Variants in GBP7 observed in about 807,000 individuals in gnomAD.
GBP7 encodes guanylate binding protein 7, also known as guanylate-binding protein 7.
In GBP7, 43 loss-of-function variants were observed where a neutral mutation model predicts 61.3. The observed-to-expected ratio is 0.70, with a 90% CI of 0.55 to 0.91. The LOEUF (loss-of-function observed/expected upper bound fraction) is 0.91, where lower values mean the gene tolerates loss of function less well. Ranked by LOEUF, GBP7 falls within the 40% of genes least tolerant of loss-of-function variation. The pLI is 0.00. For synonymous variants in GBP7, 267 were observed against 271.0 expected (o/e 0.99, Z 0.14); for missense variants, 717 against 740.5 (o/e 0.97, Z 0.37).
chr1:89,160,369 T>G (rs1261590521), intron 3 of GBP7, among the ~76,000 whole-genome samples: 1 of 152,006 alleles, frequency 6.6e-6, no homozygotes, highest in Admixed American at 6.6e-5. Flanking sequence ...ATAAAAAAAA[T>G]GTACCTTAAC....
At chr1:89,170,919 C>G (rs970900207) in intron 2 of GBP7, among the ~76,000 whole-genome samples, 3 of 152,210 alleles carry the variant, frequency 2.0e-5, no homozygotes, top group Non-Finnish European at 4.4e-5. Flanking sequence ...CTCTCTCAAG[C>G]AACAGCTAAT....
intron 9 of GBP7, among the ~76,000 whole-genome samples, chr1:89,141,094 A>G (rs1457982652): frequency 6.6e-6 from 1 of 152,154 alleles, no homozygotes; most frequent in Non-Finnish European, 1.5e-5. Context: ...CCTATTGGGT[A>G]CTATGCTCAT....
intron 8 of GBP7, among the ~76,000 whole-genome samples, chr1:89,144,102 C>T (rs1216004030): frequency 6.6e-6 from 1 of 152,158 alleles, no homozygotes; most frequent in Admixed American, 6.5e-5. Context: ...TTGTTTAGCT[C>T]CCACTTACAA....
chr1:89,137,982 G>A (rs2100636931), intron 9 of GBP7, among the ~76,000 whole-genome samples: 1 of 152,108 alleles, frequency 6.6e-6, no homozygotes, highest in East Asian at 1.9e-4. Context: ...ACAAAAATAA[G>A]TAGCATTTCT....
At chr1:89,167,831 C>T (rs1647484703) in intron 2 of GBP7, among the ~76,000 whole-genome samples, 1 of 152,194 alleles carries the variant, frequency 6.6e-6, no homozygotes, top group South Asian at 2.1e-4. Flanking sequence ...AAACACGAGT[C>T]CAAACTCCTG....
chr1:89,169,122 T>C (rs1237180749), intron 2 of GBP7, among the ~76,000 whole-genome samples: 1 of 152,148 alleles, frequency 6.6e-6, no homozygotes, highest in Non-Finnish European at 1.5e-5. Flanking sequence ...ACTTATTCTG[T>C]TTTTTCAGAA....
rs1410780600 is a variant in GBP7, at chr1:89,154,844, G to A, written c.319-2067C>T. ...AACATTCCTGTCTGACAGCTTTGAG[G>A]AGAGTAGTGGTTCTCCCAGCACAGA... On this transcript the variant is annotated intron_variant, in intron 3 of 10. Transcript: ENST00000294671. Among the ~76,000 whole-genome samples, 4 of 151,990 alleles carry A rather than the reference G, an allele frequency of 2.6e-5. No individual in the cohort carries two copies. In the South Asian group the frequency reaches 6.2e-4, roughly 24 times the overall value.
At chr1:89,172,594 G>A (rs988174218) in intron 1 of GBP7, among the ~76,000 whole-genome samples, 1 of 152,078 alleles carries the variant, frequency 6.6e-6, no homozygotes, top group Non-Finnish European at 1.5e-5. Context: ...AGGGATTCAT[G>A]ATGTTGACAT....
chr1:89,155,347 A>G (rs560742050), intron 3 of GBP7, among the ~76,000 whole-genome samples: 119 of 152,362 alleles, frequency 7.8e-4, no homozygotes, highest in African/African-American at 2.7e-3. Flanking sequence ...AGCTGGATAG[A>G]GAATGACTTT....
At position 89,171,772 on chromosome 1, in the gene GBP7, A is replaced by T. The variant is rs770887838; in HGVS notation, c.164T>A (p.Met55Lys). The change falls in exon 2 of 11, where the codon ATG (methionine) becomes AAG (lysine). Residue 55 changes from methionine to lysine, a missense_variant. By Grantham distance (95) the Met-to-Lys change is moderately conservative. Transcript: ENST00000294671. Reference sequence around the variant, plus strand: ...TTTGTTCTTCCCAGCCAGCTTGTTCATTAGGTAGGATTTGCCTGTGCGGTA... The same window carrying T: ...TTTGTTCTTCCCAGCCAGCTTGTTCTTTAGGTAGGATTTGCCTGTGCGGTA... ...GLYRTGKSYL[M>K]NKLAGKNKGF... is the part of the protein sequence containing the mutation. 14 of 1,612,384 alleles carry T rather than the reference A, an allele frequency of 8.7e-6. No homozygotes were observed. Among genetic ancestry groups the T allele is most frequent in the Non-Finnish European group, 1.1e-5 (13 of 1,179,630 alleles).
At chr1:89,158,151 A>G (rs999687494) in intron 3 of GBP7, among the ~76,000 whole-genome samples, 1 of 152,252 alleles carries the variant, frequency 6.6e-6, no homozygotes, top group African/African-American at 2.4e-5. Flanking sequence ...GCCTTGGACA[A>G]ATTCAACAGC....
In GBP7 at chr1:89,132,313, C is replaced by T; in HGVS notation, c.1753G>A (p.Ala585Thr). ...INRLKEQIEA[A>T]ENEEPSVFSQ... ...AACACTGAGGGCTCTTCATTTTCAG[C>T]TGCTTCAATTTGTTCTTTCAGTCGA... is the stretch of plus-strand genomic sequence containing the variant. The change falls in exon 11 of 11, where the codon GCT (alanine) becomes ACT (threonine). Residue 585 changes from alanine (A) to threonine (T), a missense_variant. By Grantham distance (58) the Ala-to-Thr change is moderately conservative (BLOSUM62 0). Coordinates refer to ENST00000294671, the MANE Select transcript of GBP7 (RefSeq NM_207398.3). The T allele has an allele frequency of 6.2e-7, 1 of 1,613,904 alleles. No homozygotes were observed. The highest frequency in any genetic ancestry group is 8.5e-7 in the Non-Finnish European group (1 of 1,179,868).
intron 3 of GBP7, among the ~76,000 whole-genome samples, chr1:89,153,181 G>A (rs1025490487): frequency 6.6e-6 from 1 of 152,112 alleles, no homozygotes; most frequent in Non-Finnish European, 1.5e-5. Context: ...ATCTGATATT[G>A]TTTGTGACAC....
At chr1:89,159,435 G>A (rs551354099) in intron 3 of GBP7, among the ~76,000 whole-genome samples, 1 of 152,176 alleles carries the variant, frequency 6.6e-6, no homozygotes, top group East Asian at 1.9e-4. Flanking sequence ...ACCTACAGAA[G>A]GGGAGAAAAT....
chr1:89,173,605 C>T (rs566679020), intron 1 of GBP7, among the ~76,000 whole-genome samples: 13 of 152,272 alleles, frequency 8.5e-5, no homozygotes, highest in African/African-American at 3.1e-4. Context: ...TATACACACT[C>T]AAAACATTGC....
chr1:89,139,341 C>T (rs1361993921), intron 9 of GBP7, among the ~76,000 whole-genome samples: 1 of 152,128 alleles, frequency 6.6e-6, no homozygotes, highest in Non-Finnish European at 1.5e-5. Context: ...CCATAAAAAC[C>T]CTAGAAGAAA....
chr1:89,161,176 A>G (rs984748983), intron 3 of GBP7, among the ~76,000 whole-genome samples: 3 of 152,248 alleles, frequency 2.0e-5, no homozygotes, highest in East Asian at 1.9e-4. Context: ...TATCTAGTCT[A>G]TCATTTATGG....
At chr1:89,138,637 T>C (rs1271182656) in intron 9 of GBP7, among the ~76,000 whole-genome samples, 3 of 151,946 alleles carry the variant, frequency 2.0e-5, no homozygotes, top group South Asian at 4.1e-4. Context: ...ATGCAGAAGA[T>C]TGAAACTGGA....
In GBP7 at chr1:89,152,659, G is replaced by A; in HGVS notation, c.428+9C>T. The A allele has an allele frequency of 6.2e-7, 1 of 1,609,464 alleles. No homozygotes were observed. Among genetic ancestry groups the A allele is most frequent in the Non-Finnish European group, 8.5e-7 (1 of 1,178,390 alleles). Reference sequence around the variant, plus strand: ...ATAAAACCTGGCTCTTCACTTCCTGGAAGGATACTGCAGCTGCTCCAGGGC... The same window carrying A: ...ATAAAACCTGGCTCTTCACTTCCTGAAAGGATACTGCAGCTGCTCCAGGGC... On this transcript the variant is annotated intron_variant, in intron 4 of 10. Coordinates refer to ENST00000294671, the MANE Select transcript of GBP7 (RefSeq NM_207398.3).
Sources: gnomAD v4.1 joint callset for allele counts (sites outside exome capture counted in the v4.1 genomes callset) on GRCh38, gnomAD v4.1.1 for gene constraint, MANE v1.5 for transcripts, NCBI Gene and HGNC (gene_info 2026-07-23, HGNC 2026-07-21) for gene names.